The following ITGB6 variants were observed in gnomAD, a reference collection of about 807,000 sequenced individuals.
ITGB6 encodes integrin subunit beta 6.
A neutral mutation model predicts 84.5 loss-of-function variants in ITGB6; 80 were observed. The observed-to-expected ratio is 0.95, with a 90% CI of 0.79 to 1.14. ITGB6 has a LOEUF of 1.14. ITGB6 is among the 50% of genes most tolerant of loss of function. The pLI, the probability that ITGB6 is intolerant of heterozygous loss-of-function variation, is 0.00. For missense variants in ITGB6, 1,006 were observed against 968.0 expected (o/e 1.04, Z -0.52); for synonymous variants, 383 against 354.9 (o/e 1.08, Z -0.89).
intron 7 of ITGB6, among the ~76,000 whole-genome samples, chr2:160,148,732 G>A (rs778627477): frequency 1.3e-5 from 2 of 152,182 alleles, no homozygotes; most frequent in Non-Finnish European, 2.9e-5. Context: ...GGAAAAACGG[G>A]ACATTCACAC....
intron 4 of ITGB6, among the ~76,000 whole-genome samples, chr2:160,188,549 GA>G (rs998088275): frequency 2.0e-5 from 3 of 151,654 alleles, no homozygotes; most frequent in African/African-American, 7.3e-5. Context: ...TATTTATTGA[GA>G]ACATATCATG....
intron 7 of ITGB6, among the ~76,000 whole-genome samples, chr2:160,154,400 A>C (rs1684545951): frequency 6.9e-6 from 1 of 144,368 alleles, no homozygotes; most frequent in African/African-American, 2.5e-5. Flanking sequence ...TCTTGGACCC[A>C]GGAAGGGGAA....
intron 7 of ITGB6, among the ~76,000 whole-genome samples, chr2:160,147,454 A>C (rs532159728): frequency 6.6e-6 from 1 of 152,348 alleles, no homozygotes; most frequent in East Asian, 1.9e-4. Flanking sequence ...AATGCCATCA[A>C]ATTATTTTGT....
intron 7 of ITGB6, among the ~76,000 whole-genome samples, chr2:160,149,457 A>C (rs1241322353): frequency 1.3e-5 from 2 of 152,238 alleles, no homozygotes; most frequent in Non-Finnish European, 2.9e-5. Flanking sequence ...TAGGACACCA[A>C]CATCAAAGAC....
chr2:160,151,139 T>C (rs1036188222), intron 7 of ITGB6, among the ~76,000 whole-genome samples: 4 of 152,108 alleles, frequency 2.6e-5, no homozygotes, highest in Non-Finnish European at 5.9e-5. Context: ...CAAGAGAATA[T>C]ACATTCTTCT....
At chr2:160,175,147 A>G (rs1190436056) in intron 4 of ITGB6, among the ~76,000 whole-genome samples, 1 of 152,230 alleles carries the variant, frequency 6.6e-6, no homozygotes, top group Non-Finnish European at 1.5e-5. Context: ...ATATGGGCAC[A>G]TGTGGGGCCT....
intron 9 of ITGB6, 66 bp downstream of exon 9, chr2:160,137,999 G>A: frequency 6.5e-7 from 1 of 1,542,690 alleles, no homozygotes; most frequent in Non-Finnish European, 8.7e-7. Flanking sequence ...TCCAGCTTCA[G>A]TGAGCTCAGC....
chr2:160,112,468 C>T (rs558549903), intron 12 of ITGB6, among the ~76,000 whole-genome samples: 34 of 152,088 alleles, frequency 2.2e-4, no homozygotes, highest in African/African-American at 7.7e-4. Context: ...ACAGGCTGAA[C>T]GTACTTCAAG....
rs1280244580 is a variant in ITGB6 at position 160,107,810 on chromosome 2, A to C, written c.2137T>G (p.Leu713Val). ...AGAAGAATAGCCAGGGAAACCCCTA[A>C]CATGATCATGGGAATGTTTGGAGGC... is the stretch of plus-strand genomic sequence containing the variant. Reference protein sequence around the residue: ...PKPPNIPMIMLGVSLAILLIG... With the variant: ...PKPPNIPMIMVGVSLAILLIG... Residue 713 changes from leucine to valine, a missense_variant, in exon 14 of 15, where the codon TTA (leucine) becomes GTA (valine). Coordinates refer to ENST00000283249, the MANE Select transcript of ITGB6 (RefSeq NM_000888.5). The C allele has an allele frequency of 6.2e-7, 1 of 1,613,508 alleles. No individual in the cohort carries two copies. Among genetic ancestry groups the C allele is most frequent in the South Asian group, 1.1e-5 (1 of 90,972 alleles).
chr2:160,146,902 A>T (rs1050044429), intron 7 of ITGB6, among the ~76,000 whole-genome samples: 1 of 151,976 alleles, frequency 6.6e-6, no homozygotes, highest in Non-Finnish European at 1.5e-5. Context: ...GGGGTTCGAG[A>T]CCAGCCAGGT....
At chr2:160,159,235 C>G (rs1025969243) in intron 7 of ITGB6, among the ~76,000 whole-genome samples, 1 of 151,982 alleles carries the variant, frequency 6.6e-6, no homozygotes, top group African/African-American at 2.4e-5. Context: ...AGAAAAAAAC[C>G]ACTGGTGTCT....
Position 160,195,575 on chromosome 2 carries a change from C to T in ITGB6, c.387G>A (p.Glu129=). The T allele has an allele frequency of 6.2e-7, 1 of 1,614,120 alleles. No individual in the cohort carries two copies. Among genetic ancestry groups the T allele is most frequent in the Non-Finnish European group, 8.5e-7 (1 of 1,180,000 alleles). Residue 129 remains glutamate, a synonymous_variant, in exon 4 of 15, where the codon GAG becomes GAA. Transcript: ENST00000283249. ...QTLQVHVRQT[E]DYPVDLYYLM... ...GGTAATACAAATCCACCGGGTAGTC[C>T]TCAGTCTGGCGGACATGCACCTGCA...
chr2:160,102,343 G>C (rs1249739542), intron 14 of ITGB6, among the ~76,000 whole-genome samples: 1 of 152,226 alleles, frequency 6.6e-6, no homozygotes, highest in Non-Finnish European at 1.5e-5. Flanking sequence ...AAATAATCAT[G>C]CTAAGATGAA....
At chr2:160,140,800 T>A (rs1683970832) in intron 8 of ITGB6, among the ~76,000 whole-genome samples, 2 of 152,362 alleles carry the variant, frequency 1.3e-5, no homozygotes, top group South Asian at 4.1e-4. Context: ...ATCTGTATTT[T>A]ATTTTCTGAA....
At chr2:160,133,645 A>T (rs1254692062) in intron 10 of ITGB6, among the ~76,000 whole-genome samples, 1 of 152,194 alleles carries the variant, frequency 6.6e-6, no homozygotes, top group East Asian at 1.9e-4. Context: ...AATTGACCAC[A>T]TAGTGGGAAG....
intron 14 of ITGB6, among the ~76,000 whole-genome samples, chr2:160,105,412 A>C (rs1696870727): frequency 6.6e-6 from 1 of 152,198 alleles, no homozygotes; most frequent in Non-Finnish European, 1.5e-5. Flanking sequence ...ATCACTTGTC[A>C]GTATTTATGC....
intron 6 of ITGB6, among the ~76,000 whole-genome samples, chr2:160,171,402 T>G (rs1468998103): frequency 1.3e-5 from 2 of 151,360 alleles, no homozygotes; most frequent in Non-Finnish European, 2.9e-5. Flanking sequence ...TGGTGCGATC[T>G]TGGCTCACTG....
chr2:160,169,807 G>T (rs151139361), intron 6 of ITGB6, among the ~76,000 whole-genome samples: 8 of 152,272 alleles, frequency 5.3e-5, no homozygotes, highest in Non-Finnish European at 7.4e-5. Context: ...TGACATTCCC[G>T]TACTAATCCT....
chr2:160,157,663 G>A (rs1462318898), intron 7 of ITGB6, among the ~76,000 whole-genome samples: 3 of 146,664 alleles, frequency 2.0e-5, no homozygotes, highest in Non-Finnish European at 1.5e-5. Flanking sequence ...AAAAGAAAAG[G>A]AGAAAAAGCG....
Sources: gnomAD v4.1 joint callset for allele counts (sites outside exome capture counted in the v4.1 genomes callset) on GRCh38, gnomAD v4.1.1 for gene constraint, MANE v1.5 for transcripts, NCBI Gene and HGNC (gene_info 2026-07-23, HGNC 2026-07-21) for gene names.